Variants in SRGAP3 observed in about 807,000 individuals in gnomAD.
The protein encoded by SRGAP3 is SLIT-ROBO Rho GTPase activating protein 3.
Under a neutral mutation model 121.1 loss-of-function variants are expected in SRGAP3, and 39 were observed. The observed-to-expected ratio is 0.32, with a 90% confidence interval of 0.25 to 0.42. The LOEUF (loss-of-function observed/expected upper bound fraction) is 0.42. Among genes scored for constraint, SRGAP3 ranks in the 10% least tolerant of loss-of-function variants. SRGAP3 has a pLI of 1.00. For missense variants in SRGAP3, 1,213 were observed against 1,470.6 expected (o/e 0.82, Z 2.86); for synonymous variants, 601 against 570.0 (o/e 1.05, Z -0.77).
At chr3:9,263,490 A>G (rs1954293573) in intron 3 of SRGAP3, among the ~76,000 whole-genome samples, 1 of 152,214 alleles carries the variant, frequency 6.6e-6, no homozygotes, top group South Asian at 2.1e-4. Context: ...CTAATAAACA[A>G]GAAAAGAGAG....
intron 1 of SRGAP3, among the ~76,000 whole-genome samples, chr3:9,354,833 T>C (rs1486306905): frequency 1.3e-5 from 2 of 152,178 alleles, no homozygotes; most frequent in Non-Finnish European, 2.9e-5. Context: ...TATGCTTGTT[T>C]ACTCTTTAGT....
At chr3:9,026,463 C>T (rs1426489000) in intron 13 of SRGAP3, among the ~76,000 whole-genome samples, 2 of 152,150 alleles carry the variant, frequency 1.3e-5, no homozygotes, top group African/African-American at 4.8e-5. Context: ...TGGATAAGCA[C>T]CAGTTATGTT....
chr3:9,213,763 T>C (rs1952525430), intron 1 of SRGAP3, among the ~76,000 whole-genome samples: 1 of 152,218 alleles, frequency 6.6e-6, no homozygotes, highest in Non-Finnish European at 1.5e-5. Context: ...TCCCACTTCT[T>C]GTGACATTCT....
At chr3:9,116,478 G>T (rs371032386) in intron 2 of SRGAP3, among the ~76,000 whole-genome samples, 4 of 152,166 alleles carry the variant, frequency 2.6e-5, no homozygotes, top group African/African-American at 7.2e-5. Context: ...ATAGGAACTG[G>T]ATCACTCCTT....
chr3:9,049,986 C>T (rs941393403), intron 9 of SRGAP3, among the ~76,000 whole-genome samples: 1 of 152,116 alleles, frequency 6.6e-6, no homozygotes, highest in Admixed American at 6.5e-5. Flanking sequence ...ACTACAGCCA[C>T]ACACCACCAT....
intron 4 of SRGAP3, among the ~76,000 whole-genome samples, chr3:9,078,559 A>G (rs1398890356): frequency 6.6e-6 from 1 of 152,104 alleles, no homozygotes; most frequent in Non-Finnish European, 1.5e-5. Flanking sequence ...CTGGTACAGA[A>G]TGCTCTTTTT....
In SRGAP3 at chr3:9,129,136, C is replaced by G. The variant is rs375856845; in HGVS notation, c.68-4219G>C. Among the ~76,000 whole-genome samples the G allele has an allele frequency of 6.1e-4, 93 of 152,206 alleles. 1 individual carries two copies. The highest frequency in any genetic ancestry group is 2.2e-3 in the African/African-American group (93 of 41,528). Reference sequence around the variant, plus strand: ...TGTAGAGACAGGCCTCTTTATGTTACCCAGGCTGGTCTTCAACTCTTGGGC... The same window carrying G: ...TGTAGAGACAGGCCTCTTTATGTTAGCCAGGCTGGTCTTCAACTCTTGGGC... On this transcript the variant is annotated intron_variant, in intron 1 of 21. Transcript: ENST00000383836.
intron 4 of SRGAP3, among the ~76,000 whole-genome samples, chr3:9,077,440 A>C (rs1947024986): frequency 6.6e-6 from 1 of 152,158 alleles, no homozygotes; most frequent in Non-Finnish European, 1.5e-5. Context: ...ATCGAATTTA[A>C]CTGAGTTTCT....
At chr3:9,078,589 C>G (rs1947089245) in intron 4 of SRGAP3, among the ~76,000 whole-genome samples, 1 of 152,076 alleles carries the variant, frequency 6.6e-6, no homozygotes, top group African/African-American at 2.4e-5. Flanking sequence ...TTCTAAGCAT[C>G]CATTGCATAC....
chr3:9,336,904 T>G (rs555488254), intron 1 of SRGAP3, among the ~76,000 whole-genome samples: 1 of 152,184 alleles, frequency 6.6e-6, no homozygotes, highest in South Asian at 2.1e-4. Context: ...CTCTCTCTTT[T>G]ATTTTTTAAT....
intron 6 of SRGAP3, chr3:9,058,709 T>A: frequency 4.9e-6 from 2 of 411,880 alleles, no homozygotes; most frequent in Middle Eastern, 7.1e-4. Flanking sequence ...CATCTTTCTC[T>A]CTCTCTTTTT....
chr3:9,153,434 G>T (rs1210626159), intron 1 of SRGAP3, among the ~76,000 whole-genome samples: 1 of 152,134 alleles, frequency 6.6e-6, no homozygotes, highest in Non-Finnish European at 1.5e-5. Flanking sequence ...GAGTCACACA[G>T]TTATGAAAAC....
intron 3 of SRGAP3, among the ~76,000 whole-genome samples, chr3:9,279,919 A>AG (rs1013988784): frequency 6.6e-6 from 1 of 152,148 alleles, no homozygotes; most frequent in African/African-American, 2.4e-5. Context: ...CAGCCTCACC[A>AG]GGGGAGAAGT....
intron 3 of SRGAP3, among the ~76,000 whole-genome samples, chr3:9,268,433 C>T (rs756078260): frequency 4.6e-5 from 7 of 152,050 alleles, no homozygotes; most frequent in Non-Finnish European, 1.0e-4. Context: ...ACCTAGCTGG[C>T]CTCTAAATTC....
At chr3:9,350,715 C>T (rs535821404) in intron 1 of SRGAP3, among the ~76,000 whole-genome samples, 10 of 152,104 alleles carry the variant, frequency 6.6e-5, no homozygotes, top group Non-Finnish European at 1.3e-4. Context: ...AAGCAGTGTT[C>T]ACTTGCACAT....
At chr3:9,080,167 T>C (rs1575041489) in intron 3 of SRGAP3, 80 bp from the exon 4 acceptor site, 1 of 1,480,590 alleles carries the variant, frequency 6.8e-7, no homozygotes, top group East Asian at 2.3e-5. Context: ...AAGCGAAAGG[T>C]CAGGAATGTT....
At position 9,218,437 on chromosome 3, in the gene SRGAP3, C is replaced by G. The variant is rs967195202; in HGVS notation, c.67+30448G>C. On this transcript the variant is annotated intron_variant, in intron 1 of 21. Coordinates refer to ENST00000383836, the MANE Select transcript of SRGAP3 (RefSeq NM_014850.4). This position sits in a 1 kb window ranked among gnomAD's most constrained non-coding sequence, Gnocchi z 5.3. Reference sequence around the variant, plus strand: ...AACACACCGTCCATATACACCATGCCCAGCCCCAAGCCCAGGGCAGATCTG... The same window carrying G: ...AACACACCGTCCATATACACCATGCGCAGCCCCAAGCCCAGGGCAGATCTG... 6.6e-5 allele frequency: 10 copies of G among 152,120 alleles called. No individual in the cohort carries two copies. Among genetic ancestry groups the G allele is most frequent in the African/African-American group, 2.4e-4 (10 of 41,394 alleles). 9.4% of individuals were successfully genotyped at this position (152,120 alleles called of 1,614,324 possible). A position where few individuals can be genotyped will look rare whatever the true frequency, so the allele number is the denominator to read the frequency against.
At chr3:9,078,009 T>C (rs1201974223) in intron 4 of SRGAP3, among the ~76,000 whole-genome samples, 1 of 152,164 alleles carries the variant, frequency 6.6e-6, no homozygotes, top group Non-Finnish European at 1.5e-5. Context: ...AGACGGGATA[T>C]AGACAATAAA....
At chr3:9,063,740 G>A (rs1946289942) in intron 5 of SRGAP3, among the ~76,000 whole-genome samples, 1 of 152,118 alleles carries the variant, frequency 6.6e-6, no homozygotes, top group Non-Finnish European at 1.5e-5. Context: ...AGACGAATTT[G>A]CCACTCCTAT....
Sources: gnomAD v4.1 joint callset for allele counts (sites outside exome capture counted in the v4.1 genomes callset) on GRCh38, gnomAD v4.1.1 for gene constraint, Gnocchi (gnomAD v3.1) non-coding constraint, MANE v1.5 for transcripts, NCBI Gene and HGNC (gene_info 2026-07-23, HGNC 2026-07-21) for gene names.